The following FRMPD4 variants were observed in gnomAD, a reference collection of about 807,000 sequenced individuals.
FRMPD4 encodes FERM and PDZ domain-containing protein 4.
FRMPD4 carries 22 observed loss-of-function variants against 94.1 expected under a neutral mutation model. That is an observed-to-expected ratio of 0.23 (90% CI 0.17 to 0.33). The LOEUF (loss-of-function observed/expected upper bound fraction) is 0.33, where lower values mean the gene tolerates loss of function less well. Ranked by LOEUF, FRMPD4 falls within the 10% of genes least tolerant of loss-of-function variation. The pLI is 1.00. For missense variants in FRMPD4, 1,111 were observed against 1,339.9 expected, an observed-to-expected ratio of 0.83 and a Z score of 2.67; for synonymous variants, 631 against 548.6, an observed-to-expected ratio of 1.15 and a Z score of -2.10.
At chrX:12,350,287 A>G (rs1386145530) in intron 1 of FRMPD4, among the ~76,000 whole-genome samples, 3 of 112,024 alleles carry the variant, frequency 2.7e-5, no homozygotes, top group Admixed American at 9.4e-5. Flanking sequence ...GTTATTTTTT[A>G]TACTATGGGC....
intron 1 of FRMPD4, among the ~76,000 whole-genome samples, chrX:12,406,065 G>T (rs1327586609): frequency 9.0e-6 from 1 of 111,051 alleles, no homozygotes; most frequent in Non-Finnish European, 1.9e-5. Context: ...AGGACATTTG[G>T]CAGTGTCTAC....
Position 11,870,532 on chromosome X carries a change from G to T in FRMPD4, c.-30+5316G>T. Among the ~76,000 whole-genome samples the T allele has an allele frequency of 2.7e-5, 3 of 111,618 alleles. 1 individual carries two copies. In the Admixed American group the frequency reaches 2.8e-4, roughly 11 times the overall value. ...AGGCCTGATTCATAATTCTTATACTGTGCTGCCTCCCAGACAAAAGCAGGA... is the reference window on the plus strand; with the variant it reads ...AGGCCTGATTCATAATTCTTATACTTTGCTGCCTCCCAGACAAAAGCAGGA... On this transcript the variant is annotated intron_variant, in intron 2 of 18. Transcript: ENST00000640291.
intron 3 of FRMPD4, among the ~76,000 whole-genome samples, chrX:12,052,175 C>A (rs994762629): frequency 9.0e-6 from 1 of 111,510 alleles, no homozygotes; most frequent in Non-Finnish European, 1.9e-5. Context: ...AATAAAGACA[C>A]CAAGATTTTA....
intron 3 of FRMPD4, among the ~76,000 whole-genome samples, chrX:11,950,784 G>A (rs894990165): frequency 1.6e-4 from 18 of 111,252 alleles, no homozygotes; most frequent in African/African-American, 4.9e-4. Flanking sequence ...AAGGCTGGGC[G>A]CAGTGGCTCA....
chrX:12,570,745 A>T (rs1254927198), intron 2 of FRMPD4, among the ~76,000 whole-genome samples: 1 of 111,354 alleles, frequency 9.0e-6, no homozygotes, highest in East Asian at 2.8e-4. Context: ...AACCCTATGG[A>T]TTCTGTTTTT....
chrX:12,113,544 C>T (rs998151764), intron 3 of FRMPD4, among the ~76,000 whole-genome samples: 1 of 111,639 alleles, frequency 9.0e-6, no homozygotes, highest in Admixed American at 9.5e-5. Flanking sequence ...CTTCCTCTGA[C>T]TCTGACTCTG....
chrX:12,362,654 C>T (rs1217802951), intron 1 of FRMPD4, among the ~76,000 whole-genome samples: 12 of 111,179 alleles, frequency 1.1e-4, no homozygotes, highest in South Asian at 3.8e-4. Flanking sequence ...TGAATAGTGC[C>T]GCAATAAACA....
chrX:12,531,240 G>A (rs1311283406), intron 2 of FRMPD4, among the ~76,000 whole-genome samples: 1 of 112,028 alleles, frequency 8.9e-6, no homozygotes, highest in Non-Finnish European at 1.9e-5. Context: ...CAATTTCTCG[G>A]CACTTTGTCT....
At chrX:12,153,079 A>G (rs1031157884) in intron 1 of FRMPD4, among the ~76,000 whole-genome samples, 21 of 109,799 alleles carry the variant, frequency 1.9e-4, no homozygotes, top group Non-Finnish European at 3.4e-4. Flanking sequence ...GACTACAGGC[A>G]CCCGCCACCG....
intron 1 of FRMPD4, among the ~76,000 whole-genome samples, chrX:12,382,977 A>G (rs1270349860): frequency 8.9e-6 from 1 of 111,892 alleles, no homozygotes; most frequent in Non-Finnish European, 1.9e-5. Context: ...CATCTTGTTT[A>G]TAGCCCTTCT....
intron 3 of FRMPD4, among the ~76,000 whole-genome samples, chrX:11,952,455 G>T (rs895993054): frequency 8.0e-5 from 9 of 112,126 alleles, no homozygotes; most frequent in Non-Finnish European, 1.5e-4. Flanking sequence ...GCTGCAGTTT[G>T]CATCCCAGGG....
intron 2 of FRMPD4, among the ~76,000 whole-genome samples, chrX:12,514,558 A>G (rs1014959662): frequency 2.7e-5 from 3 of 112,319 alleles, no homozygotes; most frequent in African/African-American, 9.7e-5. Flanking sequence ...CCTGGGGATT[A>G]AGCCAACTTA....
At chrX:12,012,413 G>T (rs2054585720) in intron 3 of FRMPD4, among the ~76,000 whole-genome samples, 1 of 111,823 alleles carries the variant, frequency 8.9e-6, no homozygotes, top group Non-Finnish European at 1.9e-5. Context: ...TTCTAAGTCT[G>T]TTGGGTTATT....
chrX:12,193,794 G>A (rs762775701), intron 1 of FRMPD4, among the ~76,000 whole-genome samples: 6,287 of 22,619 alleles, frequency 0.28, 1,199 homozygotes, highest in African/African-American at 0.43. Flanking sequence ...AAGGAAGGAA[G>A]GAAGGAAGGA....
In FRMPD4 at chrX:12,258,559, A is replaced by C. The variant is rs756943723; in HGVS notation, c.41+119547A>C. On this transcript the variant is annotated intron_variant, in intron 1 of 16. Coordinates refer to ENST00000675598, the MANE Select transcript of FRMPD4 (RefSeq NM_001368397.1). ...TACCCAGTCTCAGGTATTCTGTTAG[A>C]GCAGATCAAAGTGAACTAAGACAAC... is the stretch of plus-strand genomic sequence containing the variant. Among the ~76,000 whole-genome samples the C allele has an allele frequency of 9.9e-5, 11 of 111,516 alleles. No individual in the cohort carries two copies. In the South Asian group the frequency reaches 3.8e-3, roughly 39 times the overall value.
At chrX:12,541,146 T>C (rs1162386478) in intron 2 of FRMPD4, among the ~76,000 whole-genome samples, 4 of 112,025 alleles carry the variant, frequency 3.6e-5, no homozygotes, top group Non-Finnish European at 7.5e-5. Context: ...AGGGAAGATC[T>C]AAAATTGATA....
intron 3 of FRMPD4, among the ~76,000 whole-genome samples, chrX:11,904,298 A>C (rs1356644361): frequency 8.9e-6 from 1 of 111,918 alleles, no homozygotes; most frequent in East Asian, 2.8e-4. Flanking sequence ...CCATCATGAA[A>C]GGTAGACCTC....
intron 1 of FRMPD4, among the ~76,000 whole-genome samples, chrX:12,259,215 C>T (rs770331767): frequency 6.3e-5 from 7 of 111,454 alleles, no homozygotes; most frequent in Non-Finnish European, 1.3e-4. Flanking sequence ...GGCTCCCAAG[C>T]GGGGGGTGCG....
intron 2 of FRMPD4, among the ~76,000 whole-genome samples, chrX:12,535,917 T>C (rs1265388428): frequency 3.6e-5 from 4 of 110,632 alleles, no homozygotes; most frequent in Admixed American, 2.9e-4. Context: ...ATGTAGCTCA[T>C]TGCCTGGTAC....
Sources: allele counts gnomAD v4.1 joint callset (sites outside exome capture counted in the v4.1 genomes callset), GRCh38; gene constraint gnomAD v4.1.1; transcripts MANE v1.5; gene names NCBI Gene and HGNC (gene_info 2026-07-23, HGNC 2026-07-21).